The following ALPL variants were observed in gnomAD, a reference collection of about 807,000 sequenced individuals.
The protein encoded by ALPL is alkaline phosphatase, tissue-nonspecific isozyme.
In ALPL, 42 loss-of-function variants were observed where a neutral mutation model predicts 51.3. The ratio of observed to expected loss-of-function variants is 0.82; its 90% CI spans 0.64 to 1.06. ALPL has a LOEUF of 1.06. Ranked by LOEUF, ALPL falls within the 50% of genes least tolerant of loss-of-function variation. The pLI is 0.00. For synonymous variants in ALPL, 279 were observed against 296.4 expected, an observed-to-expected ratio of 0.94 and a Z score of 0.60; for missense variants, 589 against 709.4, an observed-to-expected ratio of 0.83 and a Z score of 1.93.
At chr1:21,540,421 T>C (rs1433826859) in intron 1 of ALPL, among the ~76,000 whole-genome samples, 2 of 152,204 alleles carry the variant, frequency 1.3e-5, no homozygotes, top group African/African-American at 2.4e-5. Flanking sequence ...CCAGAGAAGC[T>C]TTGGCTTCTC....
chr1:21,518,580 CTCTT>C lies in ALPL; in HGVS notation c.-105+9069_-105+9072del, dbSNP rs555555221. Among the ~76,000 whole-genome samples the C allele has an allele frequency of 1.6e-3, 241 of 152,146 alleles. 2 individuals are homozygous for C. Among genetic ancestry groups the C allele is most frequent in the African/African-American group, 5.6e-3 (233 of 41,518 alleles). On this transcript the variant is annotated intron_variant, in intron 1 of 11. Coordinates refer to ENST00000374840, the MANE Select transcript of ALPL (RefSeq NM_000478.6). Reference sequence around the variant, plus strand: ...CTTTCCAGGAGGACCTGAAACTGAGCTCTTTCTTTTTTTTATGGTATTCAGAACA... The same window carrying C: ...CTTTCCAGGAGGACCTGAAACTGAGCTCTTTTTTTTATGGTATTCAGAACA...
At chr1:21,576,114 C>T (rs1052898404) in intron 10 of ALPL, among the ~76,000 whole-genome samples, 190 bp downstream of exon 10, 5 of 151,742 alleles carry the variant, frequency 3.3e-5, no homozygotes, top group African/African-American at 4.8e-5. Flanking sequence ...GAGTGGTGGT[C>T]GGGTAGACAG....
intron 1 of ALPL, among the ~76,000 whole-genome samples, chr1:21,517,380 C>T (rs941656148): frequency 6.6e-6 from 1 of 152,186 alleles, no homozygotes; most frequent in Non-Finnish European, 1.5e-5. Context: ...AGACTCAAAT[C>T]CAGGGTTGCC....
intron 1 of ALPL, among the ~76,000 whole-genome samples, chr1:21,522,099 T>C: frequency 7.1e-6 from 1 of 140,522 alleles, no homozygotes. Flanking sequence ...TGAGATGGAG[T>C]CTCGCTCTGT....
At chr1:21,531,422 G>A (rs1459384040) in intron 1 of ALPL, among the ~76,000 whole-genome samples, 5 of 152,284 alleles carry the variant, frequency 3.3e-5, no homozygotes, top group Non-Finnish European at 2.9e-5. Flanking sequence ...CATCCTCCTG[G>A]GCTGCTTTAT....
At chr1:21,566,945 A>C (rs534190760) in intron 6 of ALPL, among the ~76,000 whole-genome samples, 1 of 152,296 alleles carries the variant, frequency 6.6e-6, no homozygotes, top group African/African-American at 2.4e-5. Context: ...TTTAGGTGGC[A>C]GGCCCTTGGT....
chr1:21,536,087 T>C (rs1191771307), intron 1 of ALPL, among the ~76,000 whole-genome samples: 1 of 152,236 alleles, frequency 6.6e-6, no homozygotes, highest in Non-Finnish European at 1.5e-5. Flanking sequence ...AATAGATGCA[T>C]GGAACCTGGT....
At chr1:21,515,374 C>T (rs1212825252) in intron 1 of ALPL, among the ~76,000 whole-genome samples, 6 of 152,054 alleles carry the variant, frequency 3.9e-5, no homozygotes, top group Non-Finnish European at 2.9e-5. Flanking sequence ...CACAAGTGCA[C>T]CCTTTAAAAA....
Position 21,570,356 on chromosome 1 carries a change from A to T in ALPL, c.844A>T (p.Asn282Tyr). The T allele has an allele frequency of 6.2e-7, 1 of 1,613,952 alleles. No homozygotes were observed. Among genetic ancestry groups the T allele is most frequent in the Non-Finnish European group, 8.5e-7 (1 of 1,179,952 alleles). ...RTELLTLDPH[N>Y]VDYLLGLFEP... is the part of the protein sequence containing the mutation. ...GGAACTCCTGACCCTTGACCCCCAC[A>T]ATGTGGACTACCTATTGGGTAAGTG... The change falls in exon 8 of 12, where the codon AAT becomes TAT. Residue 282 changes from asparagine (N) to tyrosine (Y), a missense_variant. Physicochemically the swap from Asn to Tyr is moderately radical, Grantham distance 143 (BLOSUM62 -2). Transcript: ENST00000374840.
At chr1:21,567,369 G>A (rs990567962) in intron 6 of ALPL, among the ~76,000 whole-genome samples, 2 of 147,616 alleles carry the variant, frequency 1.4e-5, no homozygotes, top group African/African-American at 5.1e-5. Context: ...AAACAGTCCC[G>A]CGTCCGTCTG....
chr1:21,560,422 G>T (rs1014187432), intron 2 of ALPL, among the ~76,000 whole-genome samples: 1 of 152,158 alleles, frequency 6.6e-6, no homozygotes, highest in Non-Finnish European at 1.5e-5. Flanking sequence ...GTGAGGAGAA[G>T]ACCCCAGGGT....
chr1:21,520,084 G>T (rs1643868426), intron 1 of ALPL, among the ~76,000 whole-genome samples: 1 of 152,100 alleles, frequency 6.6e-6, no homozygotes, highest in Non-Finnish European at 1.5e-5. Flanking sequence ...GCCAACCTCA[G>T]TTTCCAGGCA....
At chr1:21,559,280 G>A (rs897016065) in intron 2 of ALPL, among the ~76,000 whole-genome samples, 22 of 152,182 alleles carry the variant, frequency 1.4e-4, no homozygotes, top group African/African-American at 4.1e-4. Flanking sequence ...GGGGAGCCCC[G>A]CAGACTCTGG....
chr1:21,556,086 T>G (rs757815437), intron 2 of ALPL, among the ~76,000 whole-genome samples: 7 of 152,178 alleles, frequency 4.6e-5, no homozygotes, highest in Non-Finnish European at 1.0e-4. Context: ...TTTTTTGTTT[T>G]TCTGTTGGAG....
In ALPL at chr1:21,577,732, G is replaced by A. The variant is rs914601079; in HGVS notation, c.*84G>A. ...CCCCCCCCTCAAGGGGCAGGGAGGT[G>A]GGGGCCTCCTCAGCCTCTGCAACTG... On this transcript the variant is annotated 3_prime_UTR_variant, in exon 12 of 12. Transcript: ENST00000374840. 7.3e-6 allele frequency: 11 copies of A among 1,512,222 alleles called. No individual in the cohort carries two copies. The South Asian group carries it at 8.4e-5, about 12-fold the overall frequency. The allele number at this position is 1,512,222 out of a possible 1,614,324, so 93.7% of individuals were successfully genotyped here.
chr1:21,538,654 C>T (rs546716159), intron 1 of ALPL, among the ~76,000 whole-genome samples: 12 of 151,972 alleles, frequency 7.9e-5, no homozygotes, highest in Non-Finnish European at 1.3e-4. Flanking sequence ...TGGGGAGAGC[C>T]GGGATTGGCC....
At chr1:21,552,611 T>A (rs1644347631) in intron 1 of ALPL, among the ~76,000 whole-genome samples, 2 of 152,306 alleles carry the variant, frequency 1.3e-5, no homozygotes, top group Admixed American at 1.3e-4. Flanking sequence ...AGGGTCTCGC[T>A]GTGTTGCCCA....
chr1:21,554,726 A>G (rs1644377176), intron 2 of ALPL, among the ~76,000 whole-genome samples: 1 of 150,902 alleles, frequency 6.6e-6, no homozygotes, highest in Non-Finnish European at 1.5e-5. Flanking sequence ...TCCTGACCTC[A>G]TGATCCGCCT....
chr1:21,544,795 C>G (rs969279508), intron 1 of ALPL, among the ~76,000 whole-genome samples: 1 of 152,178 alleles, frequency 6.6e-6, no homozygotes, highest in South Asian at 2.1e-4. Context: ...AATGCATACA[C>G]TAGGCCCCAA....
Sources: gnomAD v4.1 joint callset for allele counts (sites outside exome capture counted in the v4.1 genomes callset) on GRCh38, gnomAD v4.1.1 for gene constraint, MANE v1.5 for transcripts, NCBI Gene and HGNC (gene_info 2026-07-23, HGNC 2026-07-21) for gene names.